KIF14: variants seen among roughly 807,000 people sequenced by gnomAD.
KIF14 encodes the protein kinesin family member 14, also known as kinesin-like protein KIF14.
In KIF14, 98 loss-of-function variants were observed where a neutral mutation model predicts 176.2. The ratio of observed to expected loss-of-function variants is 0.56; its 90% confidence interval spans 0.47 to 0.66. KIF14 has a LOEUF of 0.66. Among genes scored for constraint, KIF14 ranks in the 30% least tolerant of loss-of-function variants. The probability of loss-of-function intolerance (pLI) is 0.00; values close to 1 mark genes in which losing one functional copy is unlikely to be tolerated. For missense variants in KIF14, 1,751 were observed against 1,920.4 expected (o/e 0.91, Z 1.65); for synonymous variants, 566 against 632.2 (o/e 0.90, Z 1.57).
intron 19 of KIF14, among the ~76,000 whole-genome samples, chr1:200,581,761 CTTTTTT>C (rs66935478): frequency 1.1e-4 from 9 of 83,048 alleles, no homozygotes; most frequent in Admixed American, 9.2e-4. Flanking sequence ...TTTCACTTTC[CTTTTTT>C]TTTTTTTTTT....
At position 200,611,097 on chromosome 1, in the gene KIF14, C is replaced by T. The variant is rs569632045; in HGVS notation, c.1456-2169G>A. 1.1e-4 allele frequency among the ~76,000 whole-genome samples: 16 copies of T among 152,172 alleles called. No homozygotes were observed. The South Asian group carries it at 1.2e-3, about 12-fold the overall frequency. ...AAAGATACAGTGTAGAGGCCAAAAACGGGAAACTTTGCTTCCAAACAGCTC... is the reference window on the plus strand; with the variant it reads ...AAAGATACAGTGTAGAGGCCAAAAATGGGAAACTTTGCTTCCAAACAGCTC... On this transcript the variant is annotated intron_variant, in intron 4 of 29. Transcript: ENST00000367350.
intron 3 of KIF14, 121 bp downstream of exon 3, chr1:200,615,234 A>G (rs1012506553): frequency 1.9e-6 from 2 of 1,057,284 alleles, no homozygotes; most frequent in Non-Finnish European, 2.7e-6. Context: ...TATAAAATGG[A>G]TGAGATTTGG....
Position 200,604,387 on chromosome 1 carries a change from A to G in KIF14, c.1747-432T>C, listed in dbSNP as rs548038425. Among the ~76,000 whole-genome samples the G allele has an allele frequency of 2.0e-3, 303 of 152,262 alleles. 1 individual carries two copies. Among genetic ancestry groups the G allele is most frequent in the African/African-American group, 7.1e-3 (297 of 41,540 alleles). On this transcript the variant is annotated intron_variant, in intron 8 of 29. Transcript: ENST00000367350. ...CTGGCCTAAGATCATCCCTTCATGA[A>G]TCTGTGATAATTTATAACACAAAAA...
Position 200,618,364 on chromosome 1 carries a change from T to G in KIF14, c.360A>C (p.Thr120=). The change falls in exon 2 of 30, where the codon ACA becomes ACC. Residue 120 remains threonine (T), a synonymous_variant. Transcript: ENST00000367350. ...AATCTGTTTTAGCACGACGTTGTAA[T>G]GTAAGACGTGTTTCTGCTGTTTTTT... ...TTEKTAETRL[T]LQRRAKTDSA... is the part of the protein sequence containing the mutation. 4 of 1,614,176 alleles carry G rather than the reference T, an allele frequency of 2.5e-6. No individual in the cohort carries two copies. The South Asian group carries it at 4.4e-5, about 18-fold the overall frequency.
intron 23 of KIF14, among the ~76,000 whole-genome samples, chr1:200,566,183 C>T (rs551446714): frequency 3.8e-4 from 58 of 152,242 alleles, no homozygotes; most frequent in Non-Finnish European, 6.6e-4. Context: ...AGCTCCCTGA[C>T]TATACTATGA....
At chr1:200,575,455 C>T in intron 22 of KIF14, 136 bp downstream of exon 22, 2 of 428,940 alleles carry the variant, frequency 4.7e-6, no homozygotes, top group Non-Finnish European at 8.2e-6. Flanking sequence ...TTCTGGGTTT[C>T]CTGTCCAGAC....
At chr1:200,590,374 CA>C in intron 16 of KIF14, 102 bp from the exon 17 acceptor site, 1 of 1,034,422 alleles carries the variant, frequency 9.7e-7, no homozygotes, top group Non-Finnish European at 1.4e-6. Flanking sequence ...ATGAAAGTTT[CA>C]ATCTTAAAAC....
chr1:200,611,546 T>C (rs79197953), intron 4 of KIF14, among the ~76,000 whole-genome samples: 3,569 of 152,276 alleles, frequency 0.023, 50 homozygotes, highest in Non-Finnish European at 0.035. Context: ...AATGCTTATT[T>C]TATGTAAAAT....
chr1:200,596,737 G>T (rs1659363022), intron 14 of KIF14, among the ~76,000 whole-genome samples: 1 of 151,068 alleles, frequency 6.6e-6, no homozygotes, highest in Non-Finnish European at 1.5e-5. Context: ...GCTAATTTTT[G>T]TATTTTCAGT....
chr1:200,553,628 C>T lies in KIF14; in HGVS notation c.4707G>A (p.Gln1569=). The T allele has an allele frequency of 1.2e-6, 2 of 1,614,104 alleles. No homozygotes were observed. The highest frequency in any genetic ancestry group is 1.7e-6 in the Non-Finnish European group (2 of 1,180,000). The change falls in exon 30 of 30, where the codon CAG becomes CAA. Residue 1569 remains glutamine (Q), a synonymous_variant. Transcript: ENST00000367350. Reference sequence around the variant, plus strand: ...GAGACTTAGCTAGAGATTCTAGTTCCTGGTGGACAATGTGAGTTACTCTAC... The same window carrying T: ...GAGACTTAGCTAGAGATTCTAGTTCTTGGTGGACAATGTGAGTTACTCTAC... ...YESRVTHIVH[Q]ELESLAKSLL...
chr1:200,610,700 T>A (rs1182741107), intron 4 of KIF14, among the ~76,000 whole-genome samples: 1 of 152,050 alleles, frequency 6.6e-6, no homozygotes, highest in East Asian at 1.9e-4. Flanking sequence ...GAGGCTAAGA[T>A]CTCAGAGACA....
Position 200,618,834 on chromosome 1 carries a change from C to T in KIF14, c.-111G>A. 1.2e-6 allele frequency: 1 copy of T among 861,816 alleles called. No individual in the cohort carries two copies. Among genetic ancestry groups the T allele is most frequent in the Non-Finnish European group, 1.8e-6 (1 of 571,254 alleles). The allele number at this position is 861,816 out of a possible 1,614,324, so 53.4% of individuals were successfully genotyped here. On this transcript the variant is annotated 5_prime_UTR_variant, in exon 2 of 30. Coordinates refer to ENST00000367350, the MANE Select transcript of KIF14 (RefSeq NM_014875.3). ...ATGTATCCATTTCTGAAAGTATCTG[C>T]TAAACTAAAAGAAAAAAAAAAGATT...
At chr1:200,576,976 C>G (rs887623427) in intron 21 of KIF14, among the ~76,000 whole-genome samples, 1 of 151,904 alleles carries the variant, frequency 6.6e-6, no homozygotes, top group African/African-American at 2.4e-5. Context: ...ACTCCAGGCA[C>G]GCAACACCAC....
chr1:200,588,251 T>TTG (rs1553257812), intron 18 of KIF14, among the ~76,000 whole-genome samples: 3 of 147,292 alleles, frequency 2.0e-5, no homozygotes, highest in African/African-American at 7.9e-5. Flanking sequence ...TTGTTTTGTT[T>TTG]TTTTTTTTTT....
chr1:200,618,409 A>G lies in KIF14; in HGVS notation c.315T>C (p.Ser105=). The change falls in exon 2 of 30, where the codon AGT becomes AGC. Residue 105 remains serine, a synonymous_variant. Transcript: ENST00000367350. The part of the protein sequence containing the change: ...TRNKESSLLV[S]ELEDTTEKTA... ...TTTTTTCAGTTGTGTCTTCCAACTC[A>G]CTAACAAGCAAAGATGATTCTTTGT... The G allele has an allele frequency of 6.2e-7, 1 of 1,614,178 alleles. No homozygotes were observed. Among genetic ancestry groups the G allele is most frequent in the Non-Finnish European group, 8.5e-7 (1 of 1,180,020 alleles).
At chr1:200,589,741 T>C (rs1221212090) in intron 17 of KIF14, among the ~76,000 whole-genome samples, 1 of 129,486 alleles carries the variant, frequency 7.7e-6, no homozygotes. Flanking sequence ...AGCCTTGACC[T>C]CCCTGGGCTA....
chr1:200,555,286 TA>T, intron 28 of KIF14, 93 bp downstream of exon 28: 2 of 783,442 alleles, frequency 2.6e-6, no homozygotes, highest in Non-Finnish European at 4.2e-6. Context: ...TGTCTCTGGC[TA>T]AGGATAAACA....
chr1:200,615,565 T>C lies in KIF14; in HGVS notation c.1157A>G (p.Lys386Arg). Residue 386 changes from lysine to arginine, a missense_variant, in exon 3 of 30, where the codon AAA becomes AGA. Physicochemically the swap from Lys to Arg is conservative, Grantham distance 26. Transcript: ENST00000367350. Reference sequence around the variant, plus strand: ...GTCAGGGTGTTCCACAGTTATTTCTTTCCCACTCATGAAGACTACCTGGGA... The same window carrying C: ...GTCAGGGTGTTCCACAGTTATTTCTCTCCCACTCATGAAGACTACCTGGGA... ...KASQVVFMSGKEITVEHPDTK... is the reference protein window; with the variant it reads ...KASQVVFMSGREITVEHPDTK... 6.2e-7 allele frequency: 1 copy of C among 1,613,826 alleles called. No individual in the cohort carries two copies. Among genetic ancestry groups the C allele is most frequent in the East Asian group, 2.2e-5 (1 of 44,878 alleles).
chr1:200,607,170 T>C (rs1345486427), intron 5 of KIF14, among the ~76,000 whole-genome samples: 1 of 152,052 alleles, frequency 6.6e-6, no homozygotes, highest in African/African-American at 2.4e-5. Context: ...GACAGAGTCC[T>C]GCTCTGTGGC....
Sources: gnomAD v4.1 joint callset for allele counts (sites outside exome capture counted in the v4.1 genomes callset) on GRCh38, gnomAD v4.1.1 for gene constraint, MANE v1.5 for transcripts, NCBI Gene and HGNC (gene_info 2026-07-23, HGNC 2026-07-21) for gene names.